Variants in GTSE1 observed in about 807,000 individuals in gnomAD.
The protein encoded by GTSE1 is G2 and S phase-expressed protein 1.
A neutral mutation model predicts 60.5 loss-of-function variants in GTSE1; 52 were observed. The ratio of observed to expected loss-of-function variants is 0.86; its 90% CI spans 0.69 to 1.08. GTSE1 has a LOEUF of 1.08. GTSE1 is among the 50% of genes least tolerant of loss of function. GTSE1 has a pLI of 0.00. For missense variants in GTSE1, 937 were observed against 961.8 expected, an observed-to-expected ratio of 0.97 and a Z score of 0.34; for synonymous variants, 368 against 386.5, an observed-to-expected ratio of 0.95 and a Z score of 0.56.
chr22:46,307,100 C>T (rs1244018023), intron 2 of GTSE1, among the ~76,000 whole-genome samples: 1 of 152,122 alleles, frequency 6.6e-6, no homozygotes, highest in African/African-American at 2.4e-5. Flanking sequence ...ACCCACTAAC[C>T]TGGAACTTGT....
At chr22:46,300,920 CA>C (rs1376014683) in intron 2 of GTSE1, among the ~76,000 whole-genome samples, 6 of 152,222 alleles carry the variant, frequency 3.9e-5, no homozygotes, top group Non-Finnish European at 8.8e-5. Context: ...TCGATGTCAT[CA>C]GTCTCTTGGG....
intron 9 of GTSE1, among the ~76,000 whole-genome samples, chr22:46,327,972 C>T (rs578193565): frequency 6.6e-6 from 1 of 152,162 alleles, no homozygotes; most frequent in Non-Finnish European, 1.5e-5. Context: ...GTTTAACTAT[C>T]TTGTATGTTT....
Position 46,324,665 on chromosome 22 carries a change from C to A in GTSE1, c.1505+1403C>A, listed in dbSNP as rs529532765. On this transcript the variant is annotated intron_variant, in intron 8 of 11. Coordinates refer to ENST00000454366, the MANE Select transcript of GTSE1 (RefSeq NM_016426.7). This position sits in a 1 kb window ranked among gnomAD's most constrained non-coding sequence, Gnocchi z 5.2. ...TACAGGTGTGAGCCACCGCGCCTGG[C>A]CGGAATTTTTATTTTCACTGGAATT... Among the ~76,000 whole-genome samples the A allele has an allele frequency of 2.0e-5, 3 of 152,140 alleles. No individual in the cohort carries two copies. Among genetic ancestry groups the A allele is most frequent in the Non-Finnish European group, 4.4e-5 (3 of 68,028 alleles).
At chr22:46,298,802 G>A (rs991160765) in intron 2 of GTSE1, among the ~76,000 whole-genome samples, 3 of 151,952 alleles carry the variant, frequency 2.0e-5, no homozygotes, top group South Asian at 2.1e-4. Context: ...CCCCACTTCC[G>A]TTGACCTGAC....
rs1389501182 is a variant in GTSE1 at position 46,310,680 on chromosome 22, G to A, written c.763-1461G>A. Reference sequence around the variant, plus strand: ...GTGGTAGCTCACACCTGTGATCACAGCACTTTGGGAAGCCAAGGTGGGCGA... The same window carrying A: ...GTGGTAGCTCACACCTGTGATCACAACACTTTGGGAAGCCAAGGTGGGCGA... On this transcript the variant is annotated intron_variant, in intron 4 of 11. Coordinates refer to ENST00000454366, the MANE Select transcript of GTSE1 (RefSeq NM_016426.7). This position sits in a 1 kb window ranked among gnomAD's most constrained non-coding sequence, Gnocchi z 4.4. 6.6e-6 allele frequency among the ~76,000 whole-genome samples: 1 copy of A among 152,244 alleles called. No homozygotes were observed. Among genetic ancestry groups the A allele is most frequent in the African/African-American group, 2.4e-5 (1 of 41,462 alleles).
intron 2 of GTSE1, among the ~76,000 whole-genome samples, chr22:46,303,339 T>C (rs2077700002): frequency 6.6e-6 from 1 of 152,260 alleles, no homozygotes; most frequent in Non-Finnish European, 1.5e-5. Flanking sequence ...TTTTCTTCCA[T>C]GTTATCTTCT....
In GTSE1 at chr22:46,315,065, GT is replaced by G. The variant is rs34334377; in HGVS notation, c.1052-955del. Reference sequence around the variant, plus strand: ...CACCACACCCGGCTAATTTTTGTGGGTTTTTTTTTTTTGAGATGGAGTCTCA... The same window carrying G: ...CACCACACCCGGCTAATTTTTGTGGGTTTTTTTTTTTGAGATGGAGTCTCA... On this transcript the variant is annotated intron_variant, in intron 6 of 11. Coordinates refer to ENST00000454366, the MANE Select transcript of GTSE1 (RefSeq NM_016426.7). Among the ~76,000 whole-genome samples, 74 of 137,714 alleles carry G rather than the reference GT, an allele frequency of 5.4e-4. No individual in the cohort carries two copies. The East Asian group carries it at 5.8e-3, about 11-fold the overall frequency. The allele number at this position is 137,714 out of a possible 152,430, so 90.3% of individuals were successfully genotyped here. A position where few individuals can be genotyped will look rare whatever the true frequency, so the allele number is the denominator to read the frequency against.
Position 46,329,330 on chromosome 22 carries a change from C to T in GTSE1, c.1927-28C>T, listed in dbSNP as rs1208281745. Reference sequence around the variant, plus strand: ...ATGGTTGCCAGAAAGATGCTGGACTCTGCTCTTAACCTTGGTTTTGTACCC... The same window carrying T: ...ATGGTTGCCAGAAAGATGCTGGACTTTGCTCTTAACCTTGGTTTTGTACCC... On this transcript the variant is annotated intron_variant, in intron 10 of 11. Coordinates refer to ENST00000454366, the MANE Select transcript of GTSE1 (RefSeq NM_016426.7). This position sits in a 1 kb window ranked among gnomAD's most constrained non-coding sequence, Gnocchi z 6.4. 1 of 1,547,706 alleles carries T rather than the reference C, an allele frequency of 6.5e-7. No individual in the cohort carries two copies. Among genetic ancestry groups the T allele is most frequent in the East Asian group, 2.2e-5 (1 of 44,534 alleles).
At position 46,324,116 on chromosome 22, in the gene GTSE1, CA is replaced by C. The variant is rs1317377813; in HGVS notation, c.1505+856del. ...GCCCAAGCTCAGCTGGGGCCACTTG[CA>C]AGTCTTTTGGTGACTCTGGGCTTTA... On this transcript the variant is annotated intron_variant, in intron 8 of 11. Transcript: ENST00000454366. This position sits in a 1 kb window ranked among gnomAD's most constrained non-coding sequence, Gnocchi z 5.2. Among the ~76,000 whole-genome samples the C allele has an allele frequency of 1.3e-5, 2 of 152,182 alleles. No individual in the cohort carries two copies. Among genetic ancestry groups the C allele is most frequent in the African/African-American group, 4.8e-5 (2 of 41,440 alleles).
At position 46,308,436 on chromosome 22, in the gene GTSE1, G is replaced by A; in HGVS notation, c.255G>A (p.Glu85=). 6.2e-7 allele frequency: 1 copy of A among 1,614,194 alleles called. No homozygotes were observed. The highest frequency in any genetic ancestry group is 1.1e-5 in the South Asian group (1 of 91,082). The part of the protein sequence containing the change: ...VPEQPPLPTS[E]SPFAWSPLAG... ...AACAGCCTCCGTTGCCCACATCTGA[G>A]AGTCCCTTTGCCTGGAGCCCTCTGG... The change falls in exon 4 of 12, where the codon GAG becomes GAA. Residue 85 remains glutamate (E), a synonymous_variant. Transcript: ENST00000454366.
rs1358881958 is a variant in GTSE1, at chr22:46,321,104, G to C, written c.1433-2086G>C. ...GAGTGACCAACTTGGGTCTCACAGA[G>C]ACCTCTGTGAATGGTGCGGGGTCAG... On this transcript the variant is annotated intron_variant, in intron 7 of 11. Coordinates refer to ENST00000454366, the MANE Select transcript of GTSE1 (RefSeq NM_016426.7). The surrounding 1 kb of genome is among the most constrained non-coding windows in gnomAD (Gnocchi z 4.0). Among the ~76,000 whole-genome samples the C allele has an allele frequency of 1.3e-5, 2 of 152,116 alleles. No homozygotes were observed. The highest frequency in any genetic ancestry group is 1.3e-4 in the Admixed American group (2 of 15,282).
chr22:46,298,470 G>A lies in GTSE1; in HGVS notation c.79+991G>A, dbSNP rs199753848. Reference sequence around the variant, plus strand: ...TTACAGGCACCCGCCACCACACCTGGCTGATTTTTGTATTTTTAGTAGAGA... The same window carrying A: ...TTACAGGCACCCGCCACCACACCTGACTGATTTTTGTATTTTTAGTAGAGA... On this transcript the variant is annotated intron_variant, in intron 2 of 11. Transcript: ENST00000454366. Among the ~76,000 whole-genome samples, 17 of 151,870 alleles carry A rather than the reference G, an allele frequency of 1.1e-4. No homozygotes were observed. In the East Asian group the frequency reaches 3.1e-3, roughly 28 times the overall value.
Position 46,316,901 on chromosome 22 carries a change from CTTTT to C in GTSE1, c.1432+494_1432+497del, listed in dbSNP as rs973782809. On this transcript the variant is annotated intron_variant, in intron 7 of 11. Coordinates refer to ENST00000454366, the MANE Select transcript of GTSE1 (RefSeq NM_016426.7). The surrounding 1 kb of genome is among the most constrained non-coding windows in gnomAD (Gnocchi z 5.0). ...TCTCACAGGACACCGAAGCTCTGTT[CTTTT>C]TTTTATTTCAGCCTTTTTTCTTTTT... Among the ~76,000 whole-genome samples, 1 of 151,770 alleles carries C rather than the reference CTTTT, an allele frequency of 6.6e-6. No individual in the cohort carries two copies. The highest frequency in any genetic ancestry group is 1.5e-5 in the Non-Finnish European group (1 of 67,928).
rs2077792027 is a variant in GTSE1, at chr22:46,318,184, T to C, written c.1432+1772T>C. Among the ~76,000 whole-genome samples the C allele has an allele frequency of 2.0e-5, 3 of 152,218 alleles. No individual in the cohort carries two copies. Among genetic ancestry groups the C allele is most frequent in the African/African-American group, 4.8e-5 (2 of 41,454 alleles). On this transcript the variant is annotated intron_variant, in intron 7 of 11. Transcript: ENST00000454366. The surrounding 1 kb of genome is among the most constrained non-coding windows in gnomAD (Gnocchi z 4.8). ...AAGTTTTCATGAATTTCTTGAACAA[T>C]TGTGTGCAATGCAGAAAGTTCTCAG... is the stretch of plus-strand genomic sequence containing the variant.
chr22:46,330,201 G>C lies in GTSE1; in HGVS notation c.*71G>C, dbSNP rs561911724. On this transcript the variant is annotated 3_prime_UTR_variant, in exon 12 of 12. Coordinates refer to ENST00000454366, the MANE Select transcript of GTSE1 (RefSeq NM_016426.7). This position sits in a 1 kb window ranked among gnomAD's most constrained non-coding sequence, Gnocchi z 6.0. ...TTCAACCCTCAGAAACAAGCTTTAGGCTGGTCGCAGTGGCTTACACTTGTA... is the reference window on the plus strand; with the variant it reads ...TTCAACCCTCAGAAACAAGCTTTAGCCTGGTCGCAGTGGCTTACACTTGTA... 24 of 923,404 alleles carry C rather than the reference G, an allele frequency of 2.6e-5. No individual in the cohort carries two copies. Among genetic ancestry groups the C allele is most frequent in the Non-Finnish European group, 2.9e-5 (16 of 555,290 alleles). 57.2% of individuals were successfully genotyped at this position (923,404 alleles called of 1,614,324 possible).
intron 2 of GTSE1, among the ~76,000 whole-genome samples, chr22:46,302,974 A>G (rs1377665418): frequency 2.2e-5 from 3 of 139,478 alleles, no homozygotes; most frequent in African/African-American, 8.2e-5. Context: ...ATCTTGGCTC[A>G]CTGCAAGCTC....
rs1008141054 is a variant in GTSE1, at chr22:46,305,906, C to CA, written c.80-2234dup. ...TGGGCAACAGAGTGAGACTCCATCT[C>CA]AAAAAAAAAAGAATAAATAAAATTA... is the stretch of plus-strand genomic sequence containing the variant. On this transcript the variant is annotated intron_variant, in intron 2 of 11. Coordinates refer to ENST00000454366, the MANE Select transcript of GTSE1 (RefSeq NM_016426.7). 7.8e-4 allele frequency among the ~76,000 whole-genome samples: 114 copies of CA among 145,984 alleles called. No individual in the cohort carries two copies. The Middle Eastern group carries it at 0.011, about 14-fold the overall frequency.
chr22:46,312,472 C>T (rs1222302842), intron 5 of GTSE1, among the ~76,000 whole-genome samples, 167 bp downstream of exon 5: 1 of 151,804 alleles, frequency 6.6e-6, no homozygotes, highest in Non-Finnish European at 1.5e-5. Flanking sequence ...AAACCCATCT[C>T]TACAAAAAAT....
In GTSE1 at chr22:46,324,864, T is replaced by C. The variant is rs1269389034; in HGVS notation, c.1506-1572T>C. Among the ~76,000 whole-genome samples, 1 of 152,190 alleles carries C rather than the reference T, an allele frequency of 6.6e-6. No individual in the cohort carries two copies. Among genetic ancestry groups the C allele is most frequent in the African/African-American group, 2.4e-5 (1 of 41,448 alleles). On this transcript the variant is annotated intron_variant, in intron 8 of 11. Coordinates refer to ENST00000454366, the MANE Select transcript of GTSE1 (RefSeq NM_016426.7). This position sits in a 1 kb window ranked among gnomAD's most constrained non-coding sequence, Gnocchi z 5.2. ...TTTAAATAGGCTAGAGTCAGTCTGT[T>C]TTCAGGCTCCTTTTGAAGAACGTAA...
Sources: allele counts gnomAD v4.1 joint callset (sites outside exome capture counted in the v4.1 genomes callset), GRCh38; gene constraint gnomAD v4.1.1; non-coding constraint Gnocchi (gnomAD v3.1); transcripts MANE v1.5; gene names NCBI Gene and HGNC (gene_info 2026-07-23, HGNC 2026-07-21).